The following KCNQ2 variants were observed in gnomAD, a reference collection of about 807,000 sequenced individuals.
KCNQ2 encodes potassium voltage-gated channel subfamily KQT member 2.
KCNQ2 carries 14 observed loss-of-function variants against 84.8 expected under a neutral mutation model. The ratio of observed to expected loss-of-function variants is 0.17; its 90% CI spans 0.11 to 0.26. The LOEUF is 0.26. Ranked by LOEUF, KCNQ2 falls within the 10% of genes least tolerant of loss-of-function variation. The pLI is 1.00. For synonymous variants in KCNQ2, 599 were observed against 554.1 expected (o/e 1.08, Z -1.14); for missense variants, 788 against 1,254.0 (o/e 0.63, Z 5.61).
At chr20:63,426,527 G>C (rs1479509616) in intron 10 of KCNQ2, among the ~76,000 whole-genome samples, 1 of 150,466 alleles carries the variant, frequency 6.6e-6, no homozygotes, top group Non-Finnish European at 1.5e-5. Context: ...ATAGTCTTTT[G>C]GCGGATCGGC....
In KCNQ2 at chr20:63,425,823, C is replaced by T. The variant is rs536849005; in HGVS notation, c.1218-1617G>A. 3.9e-5 allele frequency among the ~76,000 whole-genome samples: 6 copies of T among 152,342 alleles called. No individual in the cohort carries two copies. The highest frequency in any genetic ancestry group is 9.6e-5 in the African/African-American group (4 of 41,574). On this transcript the variant is annotated intron_variant, in intron 10 of 16. Transcript: ENST00000359125. The surrounding 1 kb of genome is among the most constrained non-coding windows in gnomAD (Gnocchi z 5.5). ...AGGTATGTGTGAGACCGTGGGTGTGCGCCAACCTGGGGCTAAAGTCCTCCA... is the reference window on the plus strand; with the variant it reads ...AGGTATGTGTGAGACCGTGGGTGTGTGCCAACCTGGGGCTAAAGTCCTCCA...
At chr20:63,417,790 C>A (rs867988555) in intron 12 of KCNQ2, among the ~76,000 whole-genome samples, 2 of 152,222 alleles carry the variant, frequency 1.3e-5, no homozygotes, top group Admixed American at 6.5e-5. Context: ...GGGGACCCCC[C>A]GCTGACCACG....
rs564038993 is a variant in KCNQ2 at position 63,427,570 on chromosome 20, A to C, written c.1217+797T>G. Among the ~76,000 whole-genome samples, 3 of 152,288 alleles carry C rather than the reference A, an allele frequency of 2.0e-5. No homozygotes were observed. In the East Asian group the frequency reaches 5.8e-4, roughly 29 times the overall value. On this transcript the variant is annotated intron_variant, in intron 10 of 16. Coordinates refer to ENST00000359125, the MANE Select transcript of KCNQ2 (RefSeq NM_172107.4). ...CCTGCTCCCTCCGAAAGCTCCAGGG[A>C]AGGGTCCTTTCTGCCTCTTCCAGCT...
rs1241037627 is a variant in KCNQ2, at chr20:63,419,658, C to T, written c.1262G>A (p.Cys421Tyr). The T allele has an allele frequency of 1.2e-6, 2 of 1,611,378 alleles. No homozygotes were observed. The highest frequency in any genetic ancestry group is 1.7e-6 in the Non-Finnish European group (2 of 1,179,492). The change falls in exon 12 of 17, where the codon TGC (cysteine) becomes TAC (tyrosine). Residue 421 changes from cysteine (C) to tyrosine (Y), a missense_variant. Cys to Tyr is a radical substitution (Grantham distance 194, BLOSUM62 -2). This residue lies in a region of KCNQ2 where 202 missense variants were observed against 239.4 expected (regional missense o/e 0.84). Coordinates refer to ENST00000359125, the MANE Select transcript of KCNQ2 (RefSeq NM_172107.4). ...PEPSPSKGSP[C>Y]RGPLCGCCPG... ...GCAGCATCCACACAGGGGCCCTCTGCACGGGCTGCCTTTACTGGAAATGAG... is the reference window on the plus strand; with the variant it reads ...GCAGCATCCACACAGGGGCCCTCTGTACGGGCTGCCTTTACTGGAAATGAG...
intron 1 of KCNQ2, among the ~76,000 whole-genome samples, chr20:63,458,595 G>A (rs2081866995): frequency 6.6e-6 from 1 of 152,174 alleles, no homozygotes; most frequent in Non-Finnish European, 1.5e-5. Context: ...TCTCTCCAGG[G>A]CCCTGAGCCT....
rs771809196 is a variant in KCNQ2, at chr20:63,446,822, G to C, written c.312C>G (p.Phe104Leu). 4 of 1,613,560 alleles carry C rather than the reference G, an allele frequency of 2.5e-6. No individual in the cohort carries two copies. In the South Asian group the frequency reaches 4.4e-5, roughly 18 times the overall value. The part of the protein sequence containing the change: ...IYHAYVFLLV[F>L]SCLVLSVFST... ...AAAACACAGACAGCACGAGGCAGGA[G>C]AAAACCAGGAGGAACCTGGGGGCAG... is the stretch of plus-strand genomic sequence containing the variant. The change falls in exon 2 of 17, where the codon TTC becomes TTG. Residue 104 changes from phenylalanine (F) to leucine (L), a missense_variant. Around this residue, in one of 8 missense-constraint regions of KCNQ2, gnomAD observed 106 missense variants for 214.8 expected, o/e 0.49. Transcript: ENST00000359125. This position sits in a 1 kb window ranked among gnomAD's most constrained non-coding sequence, Gnocchi z 5.5.
chr20:63,450,598 C>A (rs555311954), intron 1 of KCNQ2, among the ~76,000 whole-genome samples: 1 of 1,382 alleles, frequency 7.2e-4, no homozygotes, highest in Non-Finnish European at 1.4e-3. Context: ...GCCAGGAGAT[C>A]CCTAGCGCAG....
chr20:63,445,269 G>A lies in KCNQ2; in HGVS notation c.483C>T (p.Leu161=), dbSNP rs2145778932. 1 of 1,613,814 alleles carries A rather than the reference G, an allele frequency of 6.2e-7. No individual in the cohort carries two copies. Among genetic ancestry groups the A allele is most frequent in the Admixed American group, 1.7e-5 (1 of 60,026 alleles). The change falls in exon 3 of 17, where the codon CTC becomes CTT. Residue 161 remains leucine, a synonymous_variant. Coordinates refer to ENST00000359125, the MANE Select transcript of KCNQ2 (RefSeq NM_172107.4). ...CCRYRGWRGR[L]KFARKPFCVI... Reference sequence around the variant, plus strand: ...CACAGAACGGTTTCCGGGCAAACTTGAGCCGCCCCCTCCAGCCACGGTACC... The same window carrying A: ...CACAGAACGGTTTCCGGGCAAACTTAAGCCGCCCCCTCCAGCCACGGTACC...
chr20:63,433,592 G>C, intron 8 of KCNQ2: 1 of 853,140 alleles, frequency 1.2e-6, no homozygotes, highest in African/African-American at 1.7e-5. Context: ...ATAAAGCAAA[G>C]GGGTGAGGAA....
chr20:63,472,374 G>C lies in KCNQ2; in HGVS notation c.90C>G (p.Gly30=). 6.5e-7 allele frequency: 1 copy of C among 1,534,694 alleles called. No individual in the cohort carries two copies. The highest frequency in any genetic ancestry group is 8.8e-7 in the Non-Finnish European group (1 of 1,142,828). Residue 30 remains glycine (G), a synonymous_variant, in exon 1 of 17, where the codon GGC becomes GGG. Coordinates refer to ENST00000359125, the MANE Select transcript of KCNQ2 (RefSeq NM_172107.4). The part of the protein sequence containing the change: ...LKVGFVGLDP[G]APDSTRDGAL... ...CCCCGTCCCGGGTGGAGTCGGGCGC[G>C]CCGGGGTCCAGCCCCACGAAGCCCA... is the stretch of plus-strand genomic sequence containing the variant.
In KCNQ2 at chr20:63,444,377, A is replaced by T. The variant is rs1216752633; in HGVS notation, c.690+282T>A. Among the ~76,000 whole-genome samples, 6 of 152,182 alleles carry T rather than the reference A, an allele frequency of 3.9e-5. No individual in the cohort carries two copies. The East Asian group carries it at 1.2e-3, about 29-fold the overall frequency. ...CACAGAGCCAAGGGTTCGCGGCAGG[A>T]AGGTGGGGGTGGCAGGGGCCAAAAT... On this transcript the variant is annotated intron_variant, in intron 4 of 16. Coordinates refer to ENST00000359125, the MANE Select transcript of KCNQ2 (RefSeq NM_172107.4).
intron 10 of KCNQ2, 31 bp from the exon 11 acceptor site, chr20:63,424,237 C>A: frequency 6.4e-7 from 1 of 1,552,400 alleles, no homozygotes; most frequent in East Asian, 2.4e-5. Flanking sequence ...GAGTTAGTGG[C>A]CGCCCACTCA....
At chr20:63,424,150 A>G in intron 11 of KCNQ2, 27 bp downstream of exon 11, 1 of 1,553,734 alleles carries the variant, frequency 6.4e-7, no homozygotes, top group Non-Finnish European at 8.7e-7. Context: ...CACGGCAGAC[A>G]CCAGGGTAGC....
At chr20:63,431,403 G>T in intron 8 of KCNQ2, 34 bp from the exon 9 acceptor site, 2 of 1,612,538 alleles carry the variant, frequency 1.2e-6, no homozygotes, top group Non-Finnish European at 1.7e-6. Flanking sequence ...AAAGGGAAAA[G>T]AACGGAAAAT....
intron 1 of KCNQ2, among the ~76,000 whole-genome samples, chr20:63,452,111 C>G (rs558021634): frequency 6.6e-6 from 1 of 152,362 alleles, no homozygotes; most frequent in African/African-American, 2.4e-5. Flanking sequence ...CAGGCAGCGG[C>G]GGCAGAAACT....
chr20:63,443,379 TCATCACCAC>T (rs2081307061), intron 4 of KCNQ2, among the ~76,000 whole-genome samples: 2 of 17,222 alleles, frequency 1.2e-4, no homozygotes, highest in African/African-American at 8.8e-4. Context: ...ATCACCACCA[TCATCACCAC>T]CACCATCACC....
In KCNQ2 at chr20:63,401,439, G is replaced by A. The variant is rs12481145; in HGVS notation, c.*5205C>T. 6,912 of 152,496 alleles carry A rather than the reference G, an allele frequency of 0.045. 241 individuals carry two copies. Among genetic ancestry groups the A allele is most frequent in the Admixed American group, 0.11 (1,649 of 15,300 alleles). The allele number at this position is 152,496 out of a possible 1,614,324, so 9.4% of individuals were successfully genotyped here. On this transcript the variant is annotated 3_prime_UTR_variant, in exon 17 of 17. Transcript: ENST00000359125. The stretch of plus-strand genomic sequence containing the variant: ...GGAACCTGCGTATTCCCTCGACCCC[G>A]GAGTCCACCATCCCACATCCTTCAG...
rs1053003956 is a variant in KCNQ2, at chr20:63,406,078, C to T, written c.*566G>A. The T allele has an allele frequency of 2.0e-5, 3 of 153,516 alleles. No homozygotes were observed. The highest frequency in any genetic ancestry group is 4.4e-5 in the Non-Finnish European group (3 of 68,954). 9.5% of individuals were successfully genotyped at this position (153,516 alleles called of 1,614,324 possible). A position where few individuals can be genotyped will look rare whatever the true frequency, so the allele number is the denominator to read the frequency against. On this transcript the variant is annotated 3_prime_UTR_variant, in exon 17 of 17. Transcript: ENST00000359125. The stretch of plus-strand genomic sequence containing the variant: ...GCCAACCAATAGCTCTGTATTTGGG[C>T]GCCCCTGAGGTGGGGAACAGGAAAG...
rs774040213 is a variant in KCNQ2, at chr20:63,414,950, C to A, written c.1478G>T (p.Arg493Leu). The change falls in exon 13 of 17, where the codon CGC (arginine) becomes CTC (leucine). Residue 493 changes from arginine to leucine, a missense_variant. Arg to Leu is a moderately radical substitution (Grantham distance 102, BLOSUM62 -2). Transcript: ENST00000359125. The surrounding 1 kb of genome is among the most constrained non-coding windows in gnomAD (Gnocchi z 6.6). ...GGCACCCTTGATGCGGAAAGCCTGG[C>A]GTGCCCGGCTGCGGTCCCCGAAGCT... ...SWSFGDRSRA[R>L]QAFRIKGAAS... 2 of 1,612,698 alleles carry A rather than the reference C, an allele frequency of 1.2e-6. No individual in the cohort carries two copies. Among genetic ancestry groups the A allele is most frequent in the Non-Finnish European group, 8.5e-7 (1 of 1,179,976 alleles).
Sources: gnomAD v4.1 joint callset for allele counts (sites outside exome capture counted in the v4.1 genomes callset) on GRCh38, gnomAD v4.1.1 for gene constraint, gnomAD v4.1.1 regional missense constraint, Gnocchi (gnomAD v3.1) non-coding constraint, MANE v1.5 for transcripts, NCBI Gene and HGNC (gene_info 2026-07-23, HGNC 2026-07-21) for gene names.